Variants in AFG2A observed in about 807,000 individuals in gnomAD.
The protein encoded by AFG2A is ATPase family gene 2 protein homolog A.
At chr4:123,190,298 T>C in the AFG2A span, among the ~76,000 whole-genome samples, 4 of 152,208 alleles carry the variant, frequency 2.6e-5, no homozygotes, top group Non-Finnish European at 5.9e-5. Context: ...AATAACACTT[T>C]TGGCCTCATA....
the AFG2A span, among the ~76,000 whole-genome samples, chr4:123,075,336 G>A: frequency 4.0e-5 from 6 of 151,728 alleles, no homozygotes; most frequent in Non-Finnish European, 8.8e-5. Flanking sequence ...TATTGGTAAT[G>A]TTTCTGTTTG....
At chr4:123,305,972 A>G in the AFG2A span, among the ~76,000 whole-genome samples, 43 of 152,300 alleles carry the variant, frequency 2.8e-4, no homozygotes, top group South Asian at 7.0e-3. Flanking sequence ...CCAAGGTTCA[A>G]TGGTCAAGAG....
At chr4:122,994,298 C>T in the AFG2A span, among the ~76,000 whole-genome samples, 1 of 152,010 alleles carries the variant, frequency 6.6e-6, no homozygotes, top group Non-Finnish European at 1.5e-5. Flanking sequence ...ATGTTTTCTG[C>T]AGAAACATTT....
the AFG2A span, among the ~76,000 whole-genome samples, chr4:123,238,053 C>T: frequency 1.3e-5 from 2 of 152,226 alleles, no homozygotes; most frequent in East Asian, 1.9e-4. Flanking sequence ...AGATCCAACA[C>T]CCACGGAGCC....
chr4:123,124,543 C>T, the AFG2A span, among the ~76,000 whole-genome samples: 124 of 112,122 alleles, frequency 1.1e-3, no homozygotes, highest in Middle Eastern at 3.9e-3. Flanking sequence ...ATGTAAATGA[C>T]GAGTTAATGG....
At chr4:123,141,059 AG>A in the AFG2A span, among the ~76,000 whole-genome samples, 1 of 152,214 alleles carries the variant, frequency 6.6e-6, no homozygotes, top group African/African-American at 2.4e-5. Context: ...ATAACAGGCA[AG>A]GTCCACAGCA....
the AFG2A span, among the ~76,000 whole-genome samples, chr4:123,261,521 A>T: frequency 6.6e-6 from 1 of 152,124 alleles, no homozygotes; most frequent in Non-Finnish European, 1.5e-5. Flanking sequence ...ATACAAGAGG[A>T]TGTGCACAGG....
At chr4:123,110,980 A>G in the AFG2A span, among the ~76,000 whole-genome samples, 3 of 152,182 alleles carry the variant, frequency 2.0e-5, no homozygotes, top group Non-Finnish European at 4.4e-5. Flanking sequence ...TAAAAATTTT[A>G]TGTGTTAGAA....
chr4:123,071,492 A>C, the AFG2A span, among the ~76,000 whole-genome samples: 1 of 152,182 alleles, frequency 6.6e-6, no homozygotes, highest in African/African-American at 2.4e-5. Flanking sequence ...CTCCAAAAAA[A>C]AAAAAAAAGA....
At chr4:123,045,763 A>C in the AFG2A span, among the ~76,000 whole-genome samples, 1 of 152,000 alleles carries the variant, frequency 6.6e-6, no homozygotes, top group African/African-American at 2.4e-5. Flanking sequence ...TTTCCTGTTA[A>C]GTTAATATTT....
At chr4:123,080,553 A>G in the AFG2A span, among the ~76,000 whole-genome samples, 45 of 151,294 alleles carry the variant, frequency 3.0e-4, no homozygotes, top group African/African-American at 1.0e-3. Flanking sequence ...CATTCTCTTC[A>G]TTATGCATTT....
the AFG2A span, among the ~76,000 whole-genome samples, chr4:122,976,652 C>G: frequency 7.9e-5 from 12 of 152,260 alleles, no homozygotes; most frequent in South Asian, 2.3e-3. Context: ...GCTATAATAT[C>G]AAATCTTACA....
chr4:123,123,721 G>A, the AFG2A span, among the ~76,000 whole-genome samples: 1 of 151,908 alleles, frequency 6.6e-6, no homozygotes, highest in South Asian at 2.1e-4. Context: ...GCCGAGACGG[G>A]TGGATCACGA....
At chr4:123,179,763 C>T in the AFG2A span, among the ~76,000 whole-genome samples, 1 of 152,202 alleles carries the variant, frequency 6.6e-6, no homozygotes, top group East Asian at 1.9e-4. Flanking sequence ...TAATAAATAT[C>T]ATCCCTTTGA....
chr4:123,218,818 G>T, the AFG2A span, among the ~76,000 whole-genome samples: 1 of 152,160 alleles, frequency 6.6e-6, no homozygotes, highest in Non-Finnish European at 1.5e-5. Context: ...ATTGGAAGGA[G>T]CAATAATATT....
At chr4:123,250,231 G>A in the AFG2A span, among the ~76,000 whole-genome samples, 1 of 152,136 alleles carries the variant, frequency 6.6e-6, no homozygotes, top group Admixed American at 6.5e-5. Flanking sequence ...AAAAAGAAAA[G>A]GCAGCCTTAT....
At chr4:123,182,367 C>T in the AFG2A span, among the ~76,000 whole-genome samples, 2 of 152,084 alleles carry the variant, frequency 1.3e-5, no homozygotes, top group Admixed American at 1.3e-4. Context: ...GTAGCTTTTC[C>T]AACTAGAACT....
chr4:123,058,808 C>T, the AFG2A span, among the ~76,000 whole-genome samples: 1 of 27,440 alleles, frequency 3.6e-5, no homozygotes, highest in South Asian at 1.4e-3. Flanking sequence ...CAAACCATAT[C>T]ATTCCGCCCC....
chr4:122,929,386 T>C, the AFG2A span, among the ~76,000 whole-genome samples: 163 of 152,336 alleles, frequency 1.1e-3, no homozygotes, highest in Non-Finnish European at 2.0e-3. Flanking sequence ...TATTTTAACA[T>C]GTAATTATAA....
Sources: gnomAD v4.1 joint callset for allele counts (sites outside exome capture counted in the v4.1 genomes callset) on GRCh38, gnomAD v4.1.1 for gene constraint, MANE v1.5 for transcripts, NCBI Gene and HGNC (gene_info 2026-07-23, HGNC 2026-07-21) for gene names.